WNK1: variants seen among roughly 807,000 people sequenced by gnomAD.
The protein encoded by WNK1 is WNK lysine deficient protein kinase 1.
Under a neutral mutation model 222.8 loss-of-function variants are expected in WNK1, and 38 were observed. That is an observed-to-expected ratio of 0.17 (90% CI 0.13 to 0.22). The LOEUF is 0.22. Ranked by LOEUF, WNK1 falls within the 10% of genes least tolerant of loss-of-function variation. The pLI is 1.00. For missense variants in WNK1, 2,348 were observed against 2,918.4 expected (o/e 0.80, Z 4.50); for synonymous variants, 1,090 against 1,092.9 (o/e 1.00, Z 0.05).
chr12:801,055 G>A (rs1945818689), intron 1 of WNK1, among the ~76,000 whole-genome samples: 1 of 152,090 alleles, frequency 6.6e-6, no homozygotes, highest in African/African-American at 2.4e-5. Flanking sequence ...TACTTCTTGG[G>A]CCAGAATTTC....
intron 1 of WNK1, among the ~76,000 whole-genome samples, chr12:755,511 A>G (rs1263934413): frequency 2.0e-5 from 3 of 152,256 alleles, no homozygotes; most frequent in Non-Finnish European, 4.4e-5. Context: ...GTTCTTTACA[A>G]ACATAATCAT....
intron 4 of WNK1, among the ~76,000 whole-genome samples, chr12:846,255 A>G (rs1397344246): frequency 6.6e-6 from 1 of 152,320 alleles, no homozygotes; most frequent in East Asian, 1.9e-4. Flanking sequence ...ATTGTATGCT[A>G]TACTTGTAGT....
intron 1 of WNK1, among the ~76,000 whole-genome samples, chr12:805,852 A>G (rs115861606): frequency 0.015 from 2,321 of 152,322 alleles, 59 homozygotes; most frequent in African/African-American, 0.052. Flanking sequence ...ATGAGCCACA[A>G]TATACATATA....
At chr12:837,791 C>T (rs1949314771) in intron 4 of WNK1, among the ~76,000 whole-genome samples, 1 of 152,098 alleles carries the variant, frequency 6.6e-6, no homozygotes, top group East Asian at 1.9e-4. Flanking sequence ...CAGGTATGTG[C>T]AGCCATCACC....
intron 4 of WNK1, among the ~76,000 whole-genome samples, chr12:850,034 G>A (rs1950303366): frequency 6.6e-6 from 1 of 152,158 alleles, no homozygotes; most frequent in African/African-American, 2.4e-5. Flanking sequence ...ACATACATGT[G>A]CATGTGTCTT....
At chr12:891,609 T>C (rs1348142240) in intron 22 of WNK1, among the ~76,000 whole-genome samples, 3 of 151,086 alleles carry the variant, frequency 2.0e-5, no homozygotes, top group Admixed American at 6.6e-5. Flanking sequence ...TTTCTTTTTT[T>C]TTTTTTTTTT....
At chr12:837,265 T>G in intron 4 of WNK1, among the ~76,000 whole-genome samples, 1 of 152,102 alleles carries the variant, frequency 6.6e-6, no homozygotes, top group East Asian at 1.9e-4. Context: ...CTCAGCAATG[T>G]ATGAGTGGTT....
intron 25 of WNK1, 84 bp from the exon 26 acceptor site, chr12:900,392 C>A: frequency 6.7e-7 from 1 of 1,498,948 alleles, no homozygotes; most frequent in Non-Finnish European, 9.3e-7. Flanking sequence ...CTCAGTGGAA[C>A]AAACCAAATG....
intron 4 of WNK1, among the ~76,000 whole-genome samples, chr12:854,355 C>A (rs1264830649): frequency 1.0e-4 from 10 of 97,744 alleles, no homozygotes; most frequent in Non-Finnish European, 1.7e-4. Context: ...TTATCATTAT[C>A]TTTTTTTTTT....
rs1410342642 is a variant in WNK1, at chr12:868,642, C to A, written c.2140-2623C>A. On this transcript the variant is annotated intron_variant, in intron 8 of 27. Transcript: ENST00000315939. ...ACTGTGTATTTGAATTTCATGTTCA[C>A]ACACCAAGCTCCTCTTCAGGAGAAG... The A allele has an allele frequency of 1.2e-5, 19 of 1,614,018 alleles. No homozygotes were observed. The East Asian group carries it at 4.2e-4, about 36-fold the overall frequency.
intron 1 of WNK1, among the ~76,000 whole-genome samples, chr12:773,437 A>G (rs1324323905): frequency 6.6e-6 from 1 of 152,212 alleles, no homozygotes; most frequent in Non-Finnish European, 1.5e-5. Flanking sequence ...AAATATAGGA[A>G]ATTCTTAATG....
chr12:880,077 A>G, intron 11 of WNK1, 46 bp downstream of exon 11: 1 of 1,562,822 alleles, frequency 6.4e-7, no homozygotes. Flanking sequence ...GTTTGATCCT[A>G]GTAGATCATC....
At chr12:841,844 G>A (rs762790468) in intron 4 of WNK1, among the ~76,000 whole-genome samples, 3 of 152,098 alleles carry the variant, frequency 2.0e-5, no homozygotes, top group Non-Finnish European at 2.9e-5. Context: ...TCCATTTCAC[G>A]GTTCTGCCCT....
intron 1 of WNK1, among the ~76,000 whole-genome samples, chr12:796,432 TGGAAAG>T (rs947908037): frequency 1.3e-5 from 2 of 152,006 alleles, no homozygotes; most frequent in African/African-American, 2.4e-5. Context: ...GCTTGATAAT[TGGAAAG>T]GGAAAGGGAA....
intron 1 of WNK1, among the ~76,000 whole-genome samples, chr12:807,442 A>G (rs555279029): frequency 6.6e-6 from 1 of 152,148 alleles, no homozygotes; most frequent in South Asian, 2.1e-4. Flanking sequence ...TTTCCTGAAC[A>G]AAATGAAACA....
intron 4 of WNK1, among the ~76,000 whole-genome samples, chr12:855,857 T>A (rs1950743325): frequency 6.6e-6 from 1 of 152,092 alleles, no homozygotes; most frequent in South Asian, 2.1e-4. Context: ...TTGTTTTTTT[T>A]AAAGATGGAG....
At chr12:894,535 T>G (rs1182162074) in intron 22 of WNK1, 27 bp from the exon 23 acceptor site, 2 of 1,592,504 alleles carry the variant, frequency 1.3e-6, no homozygotes, top group African/African-American at 2.7e-5. Context: ...GACACTTATG[T>G]TTTCCTCATC....
chr12:867,713 G>A, intron 8 of WNK1: 1 of 859,916 alleles, frequency 1.2e-6, no homozygotes, highest in Non-Finnish European at 1.8e-6. Flanking sequence ...TTTTTACTAT[G>A]CACATAATTT....
chr12:864,123 T>TC (rs771791273), intron 8 of WNK1, among the ~76,000 whole-genome samples: 2 of 147,216 alleles, frequency 1.4e-5, no homozygotes, highest in Admixed American at 6.7e-5. Context: ...TTTTTTTTTT[T>TC]TTTTGACAGC....
Sources: gnomAD v4.1 joint callset for allele counts (sites outside exome capture counted in the v4.1 genomes callset) on GRCh38, gnomAD v4.1.1 for gene constraint, MANE v1.5 for transcripts, NCBI Gene and HGNC (gene_info 2026-07-23, HGNC 2026-07-21) for gene names.